The following PACRG variants were observed in gnomAD, a reference collection of about 807,000 sequenced individuals.
PACRG encodes parkin coregulated gene protein.
Under a neutral mutation model 29.7 loss-of-function variants are expected in PACRG, and 29 were observed. The observed-to-expected ratio is 0.98, with a 90% CI of 0.73 to 1.33. The LOEUF is 1.33. Ranked by LOEUF, PACRG falls within the 40% of genes most tolerant of loss-of-function variation. The probability of loss-of-function intolerance (pLI) is 0.00; values close to 1 mark genes in which losing one functional copy is unlikely to be tolerated. For synonymous variants in PACRG, 116 were observed against 118.7 expected (o/e 0.98, Z 0.15); for missense variants, 279 against 316.2 (o/e 0.88, Z 0.89).
At chr6:162,989,722 C>CTTTTTTTTTTTTTTTT (rs66497763) in intron 2 of PACRG, among the ~76,000 whole-genome samples, 1 of 142,040 alleles carries the variant, frequency 7.0e-6, no homozygotes, top group Non-Finnish European at 1.5e-5. Context: ...TCAGTACTTC[C>CTTTTTTTTTTTTTTTT]TTTTTTTTTT....
At chr6:162,769,346 T>TAGGCCGGGCGCGGTGGCTCAAGCCTGTA (rs1304582030) in intron 1 of PACRG, among the ~76,000 whole-genome samples, 1 of 151,278 alleles carries the variant, frequency 6.6e-6, no homozygotes, top group African/African-American at 2.4e-5. Flanking sequence ...AAACCTAACT[T>TAGGCCGGGCGCGGTGGCTCAAGCCTGTA]ATCCTAATAC....
intron 1 of PACRG, among the ~76,000 whole-genome samples, chr6:162,812,936 A>T (rs780201658): frequency 6.6e-6 from 1 of 152,050 alleles, no homozygotes; most frequent in Non-Finnish European, 1.5e-5. Context: ...GTAATGTGCT[A>T]TGTAGTGGAG....
At chr6:162,740,567 T>G (rs1780504878) in intron 1 of PACRG, among the ~76,000 whole-genome samples, 1 of 146,072 alleles carries the variant, frequency 6.8e-6, no homozygotes, top group Non-Finnish European at 1.5e-5. Flanking sequence ...CCACCTGCCT[T>G]TGGCCTCCCA....
intron 4 of PACRG, among the ~76,000 whole-genome samples, chr6:163,130,167 G>A (rs912376391): frequency 6.6e-6 from 1 of 152,176 alleles, no homozygotes; most frequent in Non-Finnish European, 1.5e-5. Context: ...CCACAAAGCC[G>A]CTTAGTCCTA....
intron 1 of PACRG, among the ~76,000 whole-genome samples, chr6:162,742,450 C>T (rs1390015431): frequency 6.6e-6 from 1 of 152,074 alleles, no homozygotes; most frequent in Non-Finnish European, 1.5e-5. Context: ...TATAAATTAC[C>T]CAGTCTCAGG....
intron 2 of PACRG, among the ~76,000 whole-genome samples, chr6:162,882,738 C>A (rs1414385672): frequency 6.6e-6 from 1 of 152,162 alleles, no homozygotes; most frequent in Admixed American, 6.5e-5. Context: ...TCCCCCAACT[C>A]CATCCCACCA....
chr6:162,945,240 C>T (rs187414697), intron 2 of PACRG, among the ~76,000 whole-genome samples: 26 of 152,092 alleles, frequency 1.7e-4, no homozygotes, highest in Admixed American at 1.1e-3. Context: ...ATACATAACC[C>T]AACTGTATGT....
At chr6:163,221,406 G>A (rs1377372621) in intron 4 of PACRG, among the ~76,000 whole-genome samples, 2 of 152,284 alleles carry the variant, frequency 1.3e-5, no homozygotes, top group African/African-American at 2.4e-5. Flanking sequence ...CTTTGTACAC[G>A]TGCCTTTGTG....
intron 4 of PACRG, among the ~76,000 whole-genome samples, chr6:163,200,201 T>C (rs371169219): frequency 5.9e-5 from 9 of 152,200 alleles, no homozygotes; most frequent in African/African-American, 2.2e-4. Context: ...ACAAATATTT[T>C]TTATTAAAAA....
intron 4 of PACRG, among the ~76,000 whole-genome samples, chr6:163,238,702 C>A (rs1782343156): frequency 6.6e-6 from 1 of 152,212 alleles, no homozygotes; most frequent in Non-Finnish European, 1.5e-5. Flanking sequence ...AGTCTTGATT[C>A]TTAGACTTTG....
chr6:163,147,438 A>C (rs1777845599), intron 4 of PACRG, among the ~76,000 whole-genome samples: 1 of 152,238 alleles, frequency 6.6e-6, no homozygotes, highest in Non-Finnish European at 1.5e-5. Context: ...AGATGAATGA[A>C]CTGAGACTCA....
intron 2 of PACRG, among the ~76,000 whole-genome samples, chr6:163,059,076 T>A: frequency 7.3e-6 from 1 of 137,746 alleles, no homozygotes; most frequent in Non-Finnish European, 1.5e-5. Context: ...CAAAACTCCA[T>A]CTCAAAAAAA....
At chr6:162,863,648 C>T (rs371533619) in intron 2 of PACRG, among the ~76,000 whole-genome samples, 7 of 152,306 alleles carry the variant, frequency 4.6e-5, no homozygotes, top group Non-Finnish European at 5.9e-5. Context: ...ATCGATGCTG[C>T]GGCACAGCAG....
chr6:162,727,418 C>G, upstream of PACRG: 2 of 479,922 alleles, frequency 4.2e-6, no homozygotes, highest in Non-Finnish European at 7.3e-6. Flanking sequence ...CCCGTCGAGG[C>G]GGTCTTCATG....
At chr6:162,997,357 T>C (rs1438128855) in intron 2 of PACRG, 1 of 446,406 alleles carries the variant, frequency 2.2e-6, no homozygotes. Context: ...TTGCTTATAT[T>C]AGTCCTTTTT....
At chr6:162,928,121 G>T (rs1220046421) in intron 2 of PACRG, among the ~76,000 whole-genome samples, 1 of 151,992 alleles carries the variant, frequency 6.6e-6, no homozygotes, top group Non-Finnish European at 1.5e-5. Context: ...TAAAAGTTCG[G>T]TAGAATTTGT....
chr6:163,119,630 A>G (rs948571675), intron 4 of PACRG, among the ~76,000 whole-genome samples: 1 of 152,238 alleles, frequency 6.6e-6, no homozygotes, highest in Non-Finnish European at 1.5e-5. Context: ...GACCAGATAT[A>G]GACAGGAGAT....
chr6:163,184,371 A>C (rs757766355), intron 4 of PACRG, among the ~76,000 whole-genome samples: 3 of 152,152 alleles, frequency 2.0e-5, no homozygotes, highest in Admixed American at 2.0e-4. Flanking sequence ...ATCTCTTTAT[A>C]CTGTCCATAC....
At chr6:162,740,241 G>A in intron 1 of PACRG, among the ~76,000 whole-genome samples, 1 of 151,810 alleles carries the variant, frequency 6.6e-6, no homozygotes. Context: ...AAGCGGTCAA[G>A]TTTCATGAAA....
Sources: gnomAD v4.1 joint callset for allele counts (sites outside exome capture counted in the v4.1 genomes callset) on GRCh38, gnomAD v4.1.1 for gene constraint, MANE v1.5 for transcripts, NCBI Gene and HGNC (gene_info 2026-07-23, HGNC 2026-07-21) for gene names.